Variants in NWD1 observed in about 807,000 individuals in gnomAD.
NWD1 encodes the protein NACHT domain- and WD repeat-containing protein 1.
Under a neutral mutation model 135.1 loss-of-function variants are expected in NWD1, and 129 were observed. The ratio of observed to expected loss-of-function variants is 0.96; its 90% CI spans 0.83 to 1.11. The LOEUF is 1.11. Among genes scored for constraint, NWD1 ranks in the 50% least tolerant of loss-of-function variants. The probability of loss-of-function intolerance (pLI) is 0.00; values close to 1 mark genes in which losing one functional copy is unlikely to be tolerated. For missense variants in NWD1, 1,740 were observed against 1,851.3 expected (o/e 0.94, Z 1.10); for synonymous variants, 773 against 786.0 (o/e 0.98, Z 0.28).
At chr19:16,733,469 C>T (rs948010854) in intron 3 of NWD1, among the ~76,000 whole-genome samples, 7 of 146,604 alleles carry the variant, frequency 4.8e-5, no homozygotes, top group Middle Eastern at 3.6e-3. Flanking sequence ...TGCAGTGAGC[C>T]GAGATAACGC....
chr19:16,756,582 T>G (rs1968807028), intron 6 of NWD1, among the ~76,000 whole-genome samples: 1 of 152,242 alleles, frequency 6.6e-6, no homozygotes. Flanking sequence ...TATCTCTTAT[T>G]TATCTCTCCA....
In NWD1 at chr19:16,736,762, G is replaced by A. The variant is rs1457861754; in HGVS notation, c.198+12G>A. 7.0e-7 allele frequency: 1 copy of A among 1,428,030 alleles called. No individual in the cohort carries two copies. The highest frequency in any genetic ancestry group is 2.5e-5 in the East Asian group (1 of 40,396). The allele number at this position is 1,428,030 out of a possible 1,614,324, so 88.5% of individuals were successfully genotyped here. A position where few individuals can be genotyped will look rare whatever the true frequency, so the allele number is the denominator to read the frequency against. On this transcript the variant is annotated intron_variant, in intron 4 of 18. Coordinates refer to ENST00000524140, the MANE Select transcript of NWD1 (RefSeq NM_001007525.5). ...GGCCAGCTTTTGTTGTGAGTGTCTT[G>A]GGAGGAATGGGTTAGCTCTTACTCC...
At chr19:16,747,725 C>T (rs1968384753) in intron 5 of NWD1, among the ~76,000 whole-genome samples, 1 of 152,132 alleles carries the variant, frequency 6.6e-6, no homozygotes, top group Admixed American at 6.6e-5. Flanking sequence ...CACTCCCCAT[C>T]TCCCCTCTCC....
intron 17 of NWD1, among the ~76,000 whole-genome samples, chr19:16,804,582 C>T (rs1016968176): frequency 2.0e-5 from 3 of 150,780 alleles, no homozygotes; most frequent in African/African-American, 7.4e-5. Context: ...GCAACAGAGA[C>T]CCTGTCTCTC....
intron 2 of NWD1, among the ~76,000 whole-genome samples, chr19:16,728,940 T>G: frequency 1.5e-5 from 1 of 66,536 alleles, no homozygotes; most frequent in Non-Finnish European, 2.7e-5. Flanking sequence ...CATGACTCCA[T>G]CTCAAAAAAA....
intron 4 of NWD1, among the ~76,000 whole-genome samples, chr19:16,741,101 A>G (rs1968059832): frequency 6.6e-6 from 1 of 152,126 alleles, no homozygotes. Context: ...CAGAGGTTGC[A>G]GTGAGCCAAG....
intron 4 of NWD1, among the ~76,000 whole-genome samples, chr19:16,740,079 G>A (rs1968017043): frequency 6.6e-6 from 1 of 151,514 alleles, no homozygotes; most frequent in Non-Finnish European, 1.5e-5. Flanking sequence ...GGAGGATCGT[G>A]TGATCCCAGG....
At chr19:16,798,627 A>G (rs1193949669) in intron 16 of NWD1, among the ~76,000 whole-genome samples, 2 of 151,930 alleles carry the variant, frequency 1.3e-5, no homozygotes, top group African/African-American at 4.8e-5. Flanking sequence ...AATAAGAATA[A>G]TTTTCTTTAT....
chr19:16,786,522 A>T (rs1317364695), intron 12 of NWD1, among the ~76,000 whole-genome samples: 1 of 150,760 alleles, frequency 6.6e-6, no homozygotes, highest in Admixed American at 6.6e-5. Context: ...AGTCCCCAGT[A>T]TCTGTTGTTC....
chr19:16,754,681 TTCCA>T, intron 6 of NWD1, among the ~76,000 whole-genome samples: 1 of 150,508 alleles, frequency 6.6e-6, no homozygotes, highest in African/African-American at 2.4e-5. Flanking sequence ...CATCTCTATC[TTCCA>T]TCCATCCATC....
chr19:16,731,316 T>G (rs1051924137), intron 3 of NWD1, 38 bp downstream of exon 3: 1 of 1,125,786 alleles, frequency 8.9e-7, no homozygotes, highest in Non-Finnish European at 1.3e-6. Context: ...GCTTTTTTTA[T>G]TTTTTTTTGA....
chr19:16,752,903 G>A (rs1383919343), intron 6 of NWD1, among the ~76,000 whole-genome samples: 4 of 152,192 alleles, frequency 2.6e-5, no homozygotes, highest in Non-Finnish European at 5.9e-5. Context: ...GGAGGCTGAG[G>A]CAGGAGGATT....
intron 6 of NWD1, among the ~76,000 whole-genome samples, chr19:16,756,465 C>T (rs541076561): frequency 1.3e-3 from 204 of 152,212 alleles, no homozygotes; most frequent in Admixed American, 2.6e-3. Flanking sequence ...GCAGTTCAAA[C>T]CTGTGTTCTT....
At chr19:16,780,408 G>A (rs546793008) in intron 12 of NWD1, among the ~76,000 whole-genome samples, 6 of 152,088 alleles carry the variant, frequency 3.9e-5, no homozygotes, top group South Asian at 2.1e-4. Context: ...CACCCACCTC[G>A]TCCTCCCAAA....
chr19:16,765,414 G>A (rs953986039), intron 10 of NWD1, among the ~76,000 whole-genome samples: 1 of 152,076 alleles, frequency 6.6e-6, no homozygotes, highest in Non-Finnish European at 1.5e-5. Context: ...GCTCACTGTA[G>A]CCTCAGACTC....
chr19:16,746,821 G>T (rs1161395675), intron 5 of NWD1, among the ~76,000 whole-genome samples: 1 of 152,094 alleles, frequency 6.6e-6, no homozygotes, highest in Non-Finnish European at 1.5e-5. Context: ...AAATATGTTT[G>T]CTGTTGATTA....
Position 16,794,553 on chromosome 19 carries a change from G to A in NWD1, c.3304G>A (p.Gly1102Ser), listed in dbSNP as rs551065697. ...TGAAGATGAGTCCCTCCTCGCCGCA[G>A]GTAGCGTTTAGCTCTCATTTGGAGT... ...VSEDESLLAA[G>S]FGRSVRIFLA... Residue 1102 changes from glycine to serine, a missense_variant and splice_region_variant, in exon 15 of 19, where the codon GGC (glycine) becomes AGC (serine). Coordinates refer to ENST00000524140, the MANE Select transcript of NWD1 (RefSeq NM_001007525.5). 49 of 1,594,746 alleles carry A rather than the reference G, an allele frequency of 3.1e-5. No homozygotes were observed. Among genetic ancestry groups the A allele is most frequent in the Non-Finnish European group, 7.7e-6 (9 of 1,166,688 alleles).
At position 16,736,880 on chromosome 19, in the gene NWD1, T is replaced by G. The variant is rs1173413549; in HGVS notation, c.198+130T>G. On this transcript the variant is annotated intron_variant, in intron 4 of 18. Transcript: ENST00000524140. ...TCGTACCTTATCCCTATGGCCTGCC[T>G]GTGGCAGACATTACTAATCAATCAC... 7.7e-6 allele frequency: 5 copies of G among 650,922 alleles called. No homozygotes were observed. In the African/African-American group the frequency reaches 8.9e-5, roughly 12 times the overall value. 40.3% of individuals were successfully genotyped at this position (650,922 alleles called of 1,614,324 possible).
intron 5 of NWD1, among the ~76,000 whole-genome samples, chr19:16,745,439 A>G (rs1968270602): frequency 6.6e-6 from 1 of 152,012 alleles, no homozygotes; most frequent in Non-Finnish European, 1.5e-5. Context: ...TATTACTAAA[A>G]TCTGACAGGC....
Sources: gnomAD v4.1 joint callset for allele counts (sites outside exome capture counted in the v4.1 genomes callset) on GRCh38, gnomAD v4.1.1 for gene constraint, MANE v1.5 for transcripts, NCBI Gene and HGNC (gene_info 2026-07-23, HGNC 2026-07-21) for gene names.